The following C1orf159 variants were observed in gnomAD, a reference collection of about 807,000 sequenced individuals.
C1orf159 encodes the protein chromosome 1 open reading frame 159.
Under a neutral mutation model 25.6 loss-of-function variants are expected in C1orf159, and 19 were observed. That is an observed-to-expected ratio of 0.74 (90% CI 0.52 to 1.09). The LOEUF (loss-of-function observed/expected upper bound fraction) is 1.09, where lower values mean the gene tolerates loss of function less well. C1orf159 is among the 50% of genes least tolerant of loss of function. The pLI, the probability that C1orf159 is intolerant of heterozygous loss-of-function variation, is 0.00. For missense variants in C1orf159, 274 were observed against 290.6 expected (o/e 0.94, Z 0.42); for synonymous variants, 139 against 124.7 (o/e 1.12, Z -0.77).
At chr1:1,090,565 G>T in intron 3 of C1orf159, 137 bp from the exon 4 acceptor site, 1 of 914,102 alleles carries the variant, frequency 1.1e-6, no homozygotes, top group Non-Finnish European at 1.7e-6. Context: ...TCAGCATCGG[G>T]TGGCCCTCTG....
At position 1,087,911 on chromosome 1, in the gene C1orf159, A is replaced by G. The variant is rs547740301; in HGVS notation, c.149-314T>C. On this transcript the variant is annotated intron_variant, in intron 4 of 9. Coordinates refer to ENST00000421241, the MANE Select transcript of C1orf159 (RefSeq NM_017891.5). This position sits in a 1 kb window ranked among gnomAD's most constrained non-coding sequence, Gnocchi z 8.3. ...CTGCACTCTCCACGCCGAGCACCCC[A>G]GCCCCGAGTACTCCACGCTGCACTC... is the stretch of plus-strand genomic sequence containing the variant. 1.6e-4 allele frequency among the ~76,000 whole-genome samples: 22 copies of G among 140,044 alleles called. No individual in the cohort carries two copies. The highest frequency in any genetic ancestry group is 4.1e-4 in the African/African-American group (15 of 37,014). 91.9% of individuals were successfully genotyped at this position (140,044 alleles called of 152,430 possible).
intron 1 of C1orf159, among the ~76,000 whole-genome samples, chr1:1,115,811 C>A (rs911782881): frequency 6.9e-6 from 1 of 145,136 alleles, no homozygotes; most frequent in South Asian, 2.3e-4. Flanking sequence ...TCCCGCTCAG[C>A]CCGGGCGCCT....
chr1:1,083,733 G>C (rs1645781217), intron 9 of C1orf159: 1 of 626,836 alleles, frequency 1.6e-6, no homozygotes, highest in Non-Finnish European at 2.8e-6. Context: ...TAGGGACGGG[G>C]CACGTCCAGC....
At chr1:1,100,944 G>A (rs1198291904) in intron 1 of C1orf159, among the ~76,000 whole-genome samples, 1 of 152,108 alleles carries the variant, frequency 6.6e-6, no homozygotes. Context: ...ATAAACCCAA[G>A]AGATGTTTTA....
intron 1 of C1orf159, among the ~76,000 whole-genome samples, chr1:1,101,901 G>A (rs576701520): frequency 2.0e-5 from 3 of 151,790 alleles, no homozygotes; most frequent in African/African-American, 4.8e-5. Flanking sequence ...GAGAAACCCC[G>A]TATCTACTAA....
chr1:1,114,653 C>A (rs1301897703), intron 1 of C1orf159, among the ~76,000 whole-genome samples: 1 of 152,206 alleles, frequency 6.6e-6, no homozygotes, highest in Non-Finnish European at 1.5e-5. Context: ...AATTCATAAA[C>A]ATGTATGTTA....
intron 6 of C1orf159, 111 bp from the exon 7 acceptor site, chr1:1,086,123 G>A: frequency 7.5e-7 from 1 of 1,338,376 alleles, no homozygotes. Context: ...ACATGCCTGA[G>A]CCTCACGGGA....
Position 1,090,339 on chromosome 1 carries a change from A to G in C1orf159, c.148+14T>C. ...GGGGCCGGTCTGGAATCTGCTTGGG[A>G]CAAAGCGGCTTACCTGGACCACACA... On this transcript the variant is annotated intron_variant, in intron 4 of 9. Transcript: ENST00000421241. 6.5e-7 allele frequency: 1 copy of G among 1,550,328 alleles called. No individual in the cohort carries two copies. Among genetic ancestry groups the G allele is most frequent in the Non-Finnish European group, 8.7e-7 (1 of 1,146,800 alleles).
At chr1:1,092,466 T>C (rs76994018) in intron 1 of C1orf159, 41,066 of 154,098 alleles carry the variant, frequency 0.27, 6,955 homozygotes, top group African/African-American at 0.49. Context: ...CAGGACCTGT[T>C]ACCATGGCCC....
intron 1 of C1orf159, among the ~76,000 whole-genome samples, chr1:1,103,907 C>G (rs955022775): frequency 6.6e-6 from 1 of 152,100 alleles, no homozygotes; most frequent in Non-Finnish European, 1.5e-5. Context: ...GTCTCAAATG[C>G]CTGGCCTCAA....
At chr1:1,088,601 A>G (rs1645873953) in intron 4 of C1orf159, among the ~76,000 whole-genome samples, 1 of 151,294 alleles carries the variant, frequency 6.6e-6, no homozygotes, top group South Asian at 2.1e-4. Context: ...CCCACCGGCC[A>G]GGGCGCCTTT....
chr1:1,114,966 A>C (rs1646313551), intron 1 of C1orf159: 1 of 152,192 alleles, frequency 6.6e-6, no homozygotes, highest in African/African-American at 2.4e-5. Context: ...ATCACCACTA[A>C]AGAGCTTACC....
In C1orf159 at chr1:1,091,248, T is replaced by C. The variant is rs1174307759; in HGVS notation, c.72+224A>G. ...GATGCCTCACCGTGGGGGCCCCGCC[T>C]GACCCAGCCATTCCTGAGCAGGCGC... On this transcript the variant is annotated intron_variant, in intron 3 of 9. Coordinates refer to ENST00000421241, the MANE Select transcript of C1orf159 (RefSeq NM_017891.5). 7.8e-6 allele frequency: 5 copies of C among 642,696 alleles called. No homozygotes were observed. In the East Asian group the frequency reaches 1.4e-4, roughly 18 times the overall value. 39.8% of individuals were successfully genotyped at this position (642,696 alleles called of 1,614,324 possible). A position where few individuals can be genotyped will look rare whatever the true frequency, so the allele number is the denominator to read the frequency against.
chr1:1,083,316 G>A (rs780857163), intron 9 of C1orf159: 4 of 315,368 alleles, frequency 1.3e-5, no homozygotes, highest in East Asian at 5.8e-5. Flanking sequence ...CAAGCAGGCC[G>A]TAGTCCCAAG....
At chr1:1,093,902 G>A (rs1645975065) in intron 1 of C1orf159, among the ~76,000 whole-genome samples, 2 of 152,226 alleles carry the variant, frequency 1.3e-5, no homozygotes, top group African/African-American at 2.4e-5. Flanking sequence ...TCCCACTGGC[G>A]ATGTGGGTGC....
rs187922250 is a variant in C1orf159, at chr1:1,083,171, C to T, written c.503-184G>A. On this transcript the variant is annotated intron_variant, in intron 9 of 9. Coordinates refer to ENST00000421241, the MANE Select transcript of C1orf159 (RefSeq NM_017891.5). ...CTAAGGCGCCCTCAGAGCTCCAGCTCGGGAAAGGGACGGCTTCCTCCTGCC... is the reference window on the plus strand; with the variant it reads ...CTAAGGCGCCCTCAGAGCTCCAGCTTGGGAAAGGGACGGCTTCCTCCTGCC... 1.7e-3 allele frequency: 942 copies of T among 554,390 alleles called. 3 individuals carry two copies. The highest frequency in any genetic ancestry group is 5.1e-3 in the Admixed American group (147 of 29,074). The allele number at this position is 554,390 out of a possible 1,614,324, so 34.3% of individuals were successfully genotyped here.
intron 3 of C1orf159, chr1:1,090,920 G>A (rs1482372971): frequency 6.5e-7 from 1 of 1,550,312 alleles, no homozygotes; most frequent in Non-Finnish European, 8.7e-7. Context: ...AGACTGGACA[G>A]GCCTGGGGGG....
In C1orf159 at chr1:1,085,987, G is replaced by T. The variant is rs747290218; in HGVS notation, c.336C>A (p.Leu112=). 1.7e-5 allele frequency: 28 copies of T among 1,613,164 alleles called. 1 individual carries two copies. In the South Asian group the frequency reaches 3.1e-4, roughly 18 times the overall value. The part of the protein sequence containing the change: ...HPGAPRVAAS[L]FLGTFFISSG... Reference sequence around the variant, plus strand: ...AGCTAATGAAGAACGTGCCCAGGAAGAGGGAGGCGGCCACGCGCGGAGCCC... The same window carrying T: ...AGCTAATGAAGAACGTGCCCAGGAATAGGGAGGCGGCCACGCGCGGAGCCC... Residue 112 remains leucine (L), a synonymous_variant, in exon 7 of 10, where the codon CTC becomes CTA. Coordinates refer to ENST00000421241, the MANE Select transcript of C1orf159 (RefSeq NM_017891.5).
chr1:1,109,415 C>A (rs533123735), intron 1 of C1orf159, among the ~76,000 whole-genome samples: 20 of 152,052 alleles, frequency 1.3e-4, no homozygotes, highest in Admixed American at 2.6e-4. Context: ...GGAACAGTTT[C>A]CTTTCCTTTT....
Sources: gnomAD v4.1 joint callset for allele counts (sites outside exome capture counted in the v4.1 genomes callset) on GRCh38, gnomAD v4.1.1 for gene constraint, Gnocchi (gnomAD v3.1) non-coding constraint, MANE v1.5 for transcripts, NCBI Gene and HGNC (gene_info 2026-07-23, HGNC 2026-07-21) for gene names.